PAGE2B: variants seen among roughly 807,000 people sequenced by gnomAD.
The protein encoded by PAGE2B is putative G antigen family E member 3.
Under a neutral mutation model 7.6 loss-of-function variants are expected in PAGE2B, and 5 were observed. That is an observed-to-expected ratio of 0.66 (90% CI 0.34 to 1.38). The LOEUF is 1.38. PAGE2B is among the 40% of genes most tolerant of loss of function. PAGE2B has a pLI of 0.04. For synonymous variants in PAGE2B, 29 were observed against 26.7 expected, an observed-to-expected ratio of 1.09 and a Z score of -0.27; for missense variants, 70 against 78.4, an observed-to-expected ratio of 0.89 and a Z score of 0.41.
At chrX:55,067,561 A>G in the PAGE2B span, among the ~76,000 whole-genome samples, 2 of 111,793 alleles carry the variant, frequency 1.8e-5, no homozygotes, top group South Asian at 7.6e-4. Context: ...TCCTTTGGGT[A>G]TATACCCAGT....
At chrX:55,074,222 A>G (rs1015519720), upstream of PAGE2B, among the ~76,000 whole-genome samples, 2 of 111,768 alleles carry the variant, frequency 1.8e-5, no homozygotes, top group Non-Finnish European at 1.9e-5. Context: ...CATGTAATAT[A>G]AAAATAATAA....
the PAGE2B span, among the ~76,000 whole-genome samples, chrX:55,046,915 T>A: frequency 9.0e-6 from 1 of 110,866 alleles, no homozygotes; most frequent in East Asian, 2.8e-4. Context: ...TCAGACAGTA[T>A]AACTTTTGCA....
the PAGE2B span, among the ~76,000 whole-genome samples, chrX:55,058,924 A>G: frequency 9.0e-6 from 1 of 110,704 alleles, no homozygotes; most frequent in Non-Finnish European, 1.9e-5. Flanking sequence ...CTTCCTCAAA[A>G]AGGACCATTA....
At chrX:55,077,296 C>T (rs1936532246) in intron 3 of PAGE2B, 103 bp from the exon 4 acceptor site, 2 of 1,138,644 alleles carry the variant, frequency 1.8e-6, no homozygotes, top group African/African-American at 1.8e-5. Context: ...AATAATTAGC[C>T]TACAGGTTTT....
At chrX:55,046,340 C>T in the PAGE2B span, among the ~76,000 whole-genome samples, 1 of 111,118 alleles carries the variant, frequency 9.0e-6, no homozygotes, top group Non-Finnish European at 1.9e-5. Flanking sequence ...TCTCAAACTC[C>T]TTACCTCAGG....
chrX:55,045,625 G>A, the PAGE2B span, among the ~76,000 whole-genome samples: 7 of 111,070 alleles, frequency 6.3e-5, no homozygotes, highest in Admixed American at 2.9e-4. Context: ...AATTTAGACA[G>A]GACCTTCTGA....
At chrX:55,055,737 G>T in the PAGE2B span, 1 of 119,207 alleles carries the variant, frequency 8.4e-6, no homozygotes, top group South Asian at 3.0e-4. Context: ...AGTTTCTGAA[G>T]ACTATTGTTG....
chrX:55,052,881 G>A, the PAGE2B span, among the ~76,000 whole-genome samples: 4 of 112,718 alleles, frequency 3.5e-5, no homozygotes, highest in Admixed American at 1.9e-4. Context: ...CGTCTTCTGC[G>A]TCGCTCATGC....
At chrX:55,063,455 G>C in the PAGE2B span, among the ~76,000 whole-genome samples, 1 of 110,883 alleles carries the variant, frequency 9.0e-6, no homozygotes, top group Non-Finnish European at 1.9e-5. Flanking sequence ...CAGTTTATTA[G>C]TTTTCTCGTG....
At position 55,076,637 on chromosome X, in the gene PAGE2B, T is replaced by A; in HGVS notation, c.153T>A (p.Pro51=). ...EPPTDNQGIA[P]SGEIENEGAP... is the part of the protein sequence containing the mutation. The stretch of plus-strand genomic sequence containing the variant: ...CAACTGATAATCAGGGTATTGCACC[T>A]AGTGGGGAGATCGAAAATGAAGGAG... The change falls in exon 3 of 5, where the codon CCT becomes CCA. Residue 51 remains proline, a synonymous_variant. Transcript: ENST00000374971. 8.3e-7 allele frequency: 1 copy of A among 1,208,029 alleles called. No homozygotes were observed. Among genetic ancestry groups the A allele is most frequent in the Non-Finnish European group, 1.1e-6 (1 of 894,103 alleles).
chrX:55,029,576 C>G, the PAGE2B span, among the ~76,000 whole-genome samples: 1 of 111,327 alleles, frequency 9.0e-6, no homozygotes, highest in African/African-American at 3.3e-5. Context: ...CATTTATCTC[C>G]TCTGCTGCAC....
chrX:55,061,291 C>CA, the PAGE2B span, among the ~76,000 whole-genome samples: 3 of 111,087 alleles, frequency 2.7e-5, no homozygotes, highest in South Asian at 1.1e-3. Context: ...AGGTTTGTTA[C>CA]ATGGGTAAGT....
chrX:55,077,514 G>T lies in PAGE2B; in HGVS notation c.309G>T (p.Val103=). ...GIMPTFDLTK[V]LEAGDAQP ...TGCCCACTTTTGATCTCACTAAAGT[G>T]CTGGAAGCAGGTTTGTTATTCATTT... Residue 103 remains valine, a synonymous_variant, in exon 4 of 5, where the codon GTG becomes GTT. Transcript: ENST00000374971. 9.1e-6 allele frequency: 11 copies of T among 1,211,740 alleles called. No homozygotes were observed. The highest frequency in any genetic ancestry group is 1.1e-5 in the Non-Finnish European group (10 of 895,454).
the PAGE2B span, among the ~76,000 whole-genome samples, chrX:55,059,497 TG>T: frequency 8.9e-6 from 1 of 111,820 alleles, no homozygotes; most frequent in Non-Finnish European, 1.9e-5. Flanking sequence ...AATTTTTAAT[TG>T]AAAAATACAA....
the PAGE2B span, among the ~76,000 whole-genome samples, chrX:55,057,357 G>A: frequency 3.3e-4 from 37 of 111,900 alleles, no homozygotes; most frequent in Admixed American, 2.0e-3. Context: ...TGGAGGATGG[G>A]TATTAACCAA....
the PAGE2B span, among the ~76,000 whole-genome samples, chrX:55,067,689 A>G: frequency 9.0e-6 from 1 of 111,569 alleles, no homozygotes; most frequent in Non-Finnish European, 1.9e-5. Context: ...AAGCATTCCT[A>G]TTTCTCCACA....
chrX:55,056,369 G>T, the PAGE2B span, among the ~76,000 whole-genome samples: 1 of 111,171 alleles, frequency 9.0e-6, no homozygotes, highest in Non-Finnish European at 1.9e-5. Flanking sequence ...TTAGGCCAAA[G>T]AAAAGAGGAC....
the PAGE2B span, among the ~76,000 whole-genome samples, chrX:55,061,509 C>T: frequency 7.2e-4 from 80 of 110,684 alleles, no homozygotes; most frequent in East Asian, 0.02. Flanking sequence ...TGAGATATTT[C>T]GTTACAGGCA....
chrX:55,076,067 C>G lies in PAGE2B; in HGVS notation c.26C>G (p.Ser9Cys). 8.3e-7 allele frequency: 1 copy of G among 1,209,889 alleles called. No individual in the cohort carries two copies. Among genetic ancestry groups the G allele is most frequent in the Non-Finnish European group, 1.1e-6 (1 of 894,255 alleles). ...ATGAGTGAGCATGTGAGAACAAGATCCCAATCCTCAGAAAGAGGAAATGAC... is the reference window on the plus strand; with the variant it reads ...ATGAGTGAGCATGTGAGAACAAGATGCCAATCCTCAGAAAGAGGAAATGAC... MSEHVRTR[S>C]QSSERGNDQE... Residue 9 changes from serine to cysteine, a missense_variant, in exon 2 of 5, where the codon TCC becomes TGC. Coordinates refer to ENST00000374971, the MANE Select transcript of PAGE2B (RefSeq NM_001015038.3).
Sources: allele counts gnomAD v4.1 joint callset (sites outside exome capture counted in the v4.1 genomes callset), GRCh38; gene constraint gnomAD v4.1.1; transcripts MANE v1.5; gene names NCBI Gene and HGNC (gene_info 2026-07-23, HGNC 2026-07-21).